Variants in DHRSX observed in about 807,000 individuals in gnomAD.
DHRSX encodes the protein polyprenol dehydrogenase.
In DHRSX, 31 loss-of-function variants were observed where a neutral mutation model predicts 34.0. That is an observed-to-expected ratio of 0.91 (90% CI 0.69 to 1.23). The LOEUF (loss-of-function observed/expected upper bound fraction) is 1.23. Among genes scored for constraint, DHRSX ranks in the 50% most tolerant of loss-of-function variants. The probability of loss-of-function intolerance (pLI) is 0.00; values close to 1 mark genes in which losing one functional copy is unlikely to be tolerated. For synonymous variants in DHRSX, 201 were observed against 183.8 expected (o/e 1.09, Z -0.76); for missense variants, 414 against 428.1 (o/e 0.97, Z 0.29).
At chrX:2,325,572 A>G (rs889428216) in intron 3 of DHRSX, among the ~76,000 whole-genome samples, 2 of 152,112 alleles carry the variant, frequency 1.3e-5, no homozygotes, top group Admixed American at 1.3e-4. Flanking sequence ...TAGGGTGGGC[A>G]ACCAGCCTTT....
At chrX:2,312,000 A>G (rs2042170493) in intron 3 of DHRSX, among the ~76,000 whole-genome samples, 1 of 152,144 alleles carries the variant, frequency 6.6e-6, no homozygotes, top group African/African-American at 2.4e-5. Flanking sequence ...TGGGCACAAA[A>G]TGGAAAAAGT....
chrX:2,313,277 G>A (rs1466681792), intron 3 of DHRSX, among the ~76,000 whole-genome samples: 1 of 151,850 alleles, frequency 6.6e-6, no homozygotes, highest in African/African-American at 2.4e-5. Flanking sequence ...AAATGTGCTG[G>A]GATTACAGGC....
chrX:2,235,775 C>T (rs1478930512), intron 6 of DHRSX, among the ~76,000 whole-genome samples: 3 of 147,696 alleles, frequency 2.0e-5, no homozygotes, highest in Admixed American at 6.8e-5. Flanking sequence ...AAAAGAAATC[C>T]GCACCTGTAC....
At chrX:2,304,923 C>T (rs1050387672) in intron 3 of DHRSX, among the ~76,000 whole-genome samples, 1 of 151,940 alleles carries the variant, frequency 6.6e-6, no homozygotes, top group Admixed American at 6.6e-5. Flanking sequence ...CATTGCAGCA[C>T]TATTCACAAT....
At chrX:2,235,758 G>C (rs1457974284) in intron 6 of DHRSX, among the ~76,000 whole-genome samples, 1 of 125,054 alleles carries the variant, frequency 8.0e-6, no homozygotes, top group Non-Finnish European at 1.7e-5. Context: ...AAAAAAAAGG[G>C]AACAAAAAAA....
chrX:2,434,301 A>C (rs2043966276), intron 1 of DHRSX, among the ~76,000 whole-genome samples: 1 of 152,180 alleles, frequency 6.6e-6, no homozygotes, highest in South Asian at 2.1e-4. Flanking sequence ...AGAAGTTAGA[A>C]GTTTACATAC....
At chrX:2,476,859 G>A (rs1321428994) in intron 1 of DHRSX, among the ~76,000 whole-genome samples, 3 of 151,852 alleles carry the variant, frequency 2.0e-5, no homozygotes, top group East Asian at 1.9e-4. Context: ...AAAATTAGCC[G>A]GGTGTGGTAG....
At chrX:2,485,010 G>A (rs1411229894) in intron 1 of DHRSX, among the ~76,000 whole-genome samples, 1 of 152,104 alleles carries the variant, frequency 6.6e-6, no homozygotes, top group Non-Finnish European at 1.5e-5. Context: ...CCCTTCAGAG[G>A]CCTGCTGGGA....
At chrX:2,335,576 G>C (rs77266944) in intron 3 of DHRSX, among the ~76,000 whole-genome samples, 1 of 150,990 alleles carries the variant, frequency 6.6e-6, no homozygotes, top group African/African-American at 2.4e-5. Context: ...TCAGCCTCCC[G>C]AGTAGCCGGG....
chrX:2,403,674 G>T (rs2043515520), intron 3 of DHRSX, among the ~76,000 whole-genome samples: 1 of 152,050 alleles, frequency 6.6e-6, no homozygotes, highest in South Asian at 2.1e-4. Flanking sequence ...GGCTAACACG[G>T]TGAAACCCCA....
chrX:2,287,364 A>G (rs1035112107), intron 4 of DHRSX, among the ~76,000 whole-genome samples: 40 of 152,064 alleles, frequency 2.6e-4, no homozygotes, highest in Admixed American at 2.4e-3. Context: ...TCCACATCCT[A>G]ATCCTCATGT....
chrX:2,482,978 C>CAAGCCCTCT (rs1289072524), intron 1 of DHRSX, among the ~76,000 whole-genome samples: 2 of 152,178 alleles, frequency 1.3e-5, no homozygotes, highest in Non-Finnish European at 2.9e-5. Flanking sequence ...TTCTTTCATG[C>CAAGCCCTCT]AAGCCCTCTA....
At chrX:2,489,099 C>T (rs1238384379) in intron 1 of DHRSX, 9 of 1,613,466 alleles carry the variant, frequency 5.6e-6, no homozygotes, top group African/African-American at 2.7e-5. Flanking sequence ...ATGACGCTGG[C>T]GGGCGGCGGC....
At chrX:2,413,148 T>C (rs1333983023) in intron 2 of DHRSX, among the ~76,000 whole-genome samples, 1 of 151,990 alleles carries the variant, frequency 6.6e-6, no homozygotes, top group Non-Finnish European at 1.5e-5. Context: ...TGAGCCGAGA[T>C]TGCGCCACTG....
chrX:2,495,298 GTTA>G (rs1445620900), intron 1 of DHRSX, among the ~76,000 whole-genome samples: 3 of 151,388 alleles, frequency 2.0e-5, no homozygotes, highest in South Asian at 2.1e-4. Flanking sequence ...TCCTATTGTT[GTTA>G]TTATTATTGG....
At chrX:2,232,251 C>G (rs1238983691) in intron 6 of DHRSX, among the ~76,000 whole-genome samples, 1 of 152,088 alleles carries the variant, frequency 6.6e-6, no homozygotes, top group Non-Finnish European at 1.5e-5. Context: ...TTCTAAAAGT[C>G]TTCCTCTGAA....
chrX:2,256,791 C>CA (rs111988428), intron 5 of DHRSX, among the ~76,000 whole-genome samples: 38,178 of 145,114 alleles, frequency 0.26, 6,290 homozygotes, highest in African/African-American at 0.46. Context: ...ATCTTTCATC[C>CA]AAAAAAAAAA....
At chrX:2,325,557 C>T (rs763886094) in intron 3 of DHRSX, among the ~76,000 whole-genome samples, 3 of 151,044 alleles carry the variant, frequency 2.0e-5, no homozygotes, top group African/African-American at 7.3e-5. Flanking sequence ...ATTTGCATAA[C>T]CGATTAGGGT....
chrX:2,433,466 C>CA (rs1162664759), intron 1 of DHRSX, among the ~76,000 whole-genome samples: 2 of 151,758 alleles, frequency 1.3e-5, no homozygotes, highest in African/African-American at 4.8e-5. Flanking sequence ...ATACATGTGC[C>CA]ACGGTGGTTT....
Sources: allele counts gnomAD v4.1 joint callset (sites outside exome capture counted in the v4.1 genomes callset), GRCh38; gene constraint gnomAD v4.1.1; transcripts MANE v1.5; gene names NCBI Gene and HGNC (gene_info 2026-07-23, HGNC 2026-07-21).